The following CXCL13 variants were observed in gnomAD, a reference collection of about 807,000 sequenced individuals.
The protein encoded by CXCL13 is C-X-C motif chemokine ligand 13, also known as C-X-C motif chemokine 13.
CXCL13 carries 7 observed loss-of-function variants against 12.2 expected under a neutral mutation model. That is an observed-to-expected ratio of 0.57 (90% CI 0.33 to 1.07). The LOEUF is 1.07. CXCL13 is among the 50% of genes least tolerant of loss of function. The probability of loss-of-function intolerance (pLI) is 0.04; values close to 1 mark genes in which losing one functional copy is unlikely to be tolerated. For missense variants in CXCL13, 113 were observed against 127.4 expected, an observed-to-expected ratio of 0.89 and a Z score of 0.55; for synonymous variants, 47 against 42.4, an observed-to-expected ratio of 1.11 and a Z score of -0.42.
Position 77,566,888 on chromosome 4 carries a change from C to T in CXCL13, c.-42-38936C>T, listed in dbSNP as rs2056015014. ...TGTTATTTAAGGTAATTTTGGGTGT[C>T]GGGCCTCTGAGCCCAAGCTAAGCCA... On this transcript the variant is annotated intron_variant, in intron 1 of 4. Coordinates refer to the CXCL13 transcript ENST00000286758. Among the ~76,000 whole-genome samples, 4 of 152,166 alleles carry T rather than the reference C, an allele frequency of 2.6e-5. 1 individual carries two copies. In the South Asian group the frequency reaches 8.3e-4, roughly 32 times the overall value.
intron 1 of CXCL13, among the ~76,000 whole-genome samples, chr4:77,585,157 G>A (rs1425555612): frequency 2.0e-5 from 3 of 152,104 alleles, no homozygotes; most frequent in African/African-American, 7.2e-5. Flanking sequence ...ACTGGAAACA[G>A]GCTTTATCAA....
At chr4:77,556,497 G>A (rs987194893) in intron 1 of CXCL13, among the ~76,000 whole-genome samples, 1 of 152,132 alleles carries the variant, frequency 6.6e-6, no homozygotes, top group African/African-American at 2.4e-5. Flanking sequence ...CAGGATAATG[G>A]AAATGTCCTA....
intron 1 of CXCL13, among the ~76,000 whole-genome samples, chr4:77,528,065 T>G (rs1446463664): frequency 1.3e-5 from 2 of 152,180 alleles, no homozygotes; most frequent in Non-Finnish European, 2.9e-5. Flanking sequence ...TTGCTGAGAA[T>G]GAAGGTTTCC....
intron 3 of CXCL13, 73 bp downstream of exon 3, chr4:77,610,767 A>G (rs1727126842): frequency 8.7e-7 from 1 of 1,155,826 alleles, no homozygotes; most frequent in Non-Finnish European, 1.3e-6. Context: ...GGCAGTCAAA[A>G]TAGGGACTAG....
At chr4:77,515,141 G>A (rs1202130433) in intron 1 of CXCL13, among the ~76,000 whole-genome samples, 2 of 152,100 alleles carry the variant, frequency 1.3e-5, no homozygotes, top group Admixed American at 6.5e-5. Flanking sequence ...ATTTCTGAGG[G>A]CTCTGTTCTG....
intron 2 of CXCL13, among the ~76,000 whole-genome samples, chr4:77,609,961 T>G (rs1300393045): frequency 6.6e-6 from 1 of 152,240 alleles, no homozygotes; most frequent in East Asian, 1.9e-4. Flanking sequence ...TTTTGTGAGA[T>G]GAATTGAAAT....
chr4:77,558,406 A>G (rs1443165361), intron 1 of CXCL13, among the ~76,000 whole-genome samples: 3 of 152,106 alleles, frequency 2.0e-5, no homozygotes, highest in Non-Finnish European at 4.4e-5. Flanking sequence ...AGATTGGACT[A>G]CAGTGGAGCA....
chr4:77,603,404 T>C (rs1444417071), upstream of CXCL13, among the ~76,000 whole-genome samples: 2 of 152,248 alleles, frequency 1.3e-5, no homozygotes, highest in African/African-American at 4.8e-5. Context: ...GGGCTTCCTC[T>C]AGCTTGTACT....
At chr4:77,597,059 A>T (rs1726784887) in intron 1 of CXCL13, among the ~76,000 whole-genome samples, 1 of 152,224 alleles carries the variant, frequency 6.6e-6, no homozygotes, top group African/African-American at 2.4e-5. Context: ...TAAGCCAGAC[A>T]CATAAAGAAG....
chr4:77,536,021 A>G (rs980042128), intron 1 of CXCL13, among the ~76,000 whole-genome samples: 2 of 152,204 alleles, frequency 1.3e-5, no homozygotes, highest in African/African-American at 4.8e-5. Flanking sequence ...ACTTGATAGA[A>G]TAAACACCCT....
chr4:77,610,898 A>T (rs1006405217), intron 3 of CXCL13, 90 bp from the exon 4 acceptor site: 15 of 1,175,954 alleles, frequency 1.3e-5, no homozygotes, highest in Non-Finnish European at 5.0e-6. Context: ...CAGTATACAT[A>T]AGAGTCCTTG....
intron 1 of CXCL13, among the ~76,000 whole-genome samples, chr4:77,584,444 A>C (rs1441933434): frequency 6.6e-6 from 1 of 152,176 alleles, no homozygotes. Flanking sequence ...TCTAATATGC[A>C]AAAAATACAA....
chr4:77,587,069 C>T (rs1726491474), intron 1 of CXCL13, among the ~76,000 whole-genome samples: 1 of 152,148 alleles, frequency 6.6e-6, no homozygotes, highest in African/African-American at 2.4e-5. Context: ...ACTCAGGAAC[C>T]TAGTATTGAA....
intron 1 of CXCL13, among the ~76,000 whole-genome samples, chr4:77,516,366 A>C (rs1246994238): frequency 3.4e-4 from 52 of 152,290 alleles, no homozygotes; most frequent in Non-Finnish European, 6.3e-4. Context: ...TGATTGGAAT[A>C]GTTTCAGAAG....
At chr4:77,597,716 G>A (rs1470695202) in intron 1 of CXCL13, among the ~76,000 whole-genome samples, 2 of 152,108 alleles carry the variant, frequency 1.3e-5, no homozygotes, top group East Asian at 3.8e-4. Flanking sequence ...TATTAGAATG[G>A]TGGAAGTGCA....
Position 77,515,745 on chromosome 4 carries a change from A to C in CXCL13, c.-43+3957A>C, listed in dbSNP as rs557387836. Among the ~76,000 whole-genome samples the C allele has an allele frequency of 5.3e-5, 8 of 152,324 alleles. No homozygotes were observed. In the South Asian group the frequency reaches 1.7e-3, roughly 32 times the overall value. ...GATTTTCTAGATATACCATCATGTCATCTGCCAACAGGGACAATTTGACTT... is the reference window on the plus strand; with the variant it reads ...GATTTTCTAGATATACCATCATGTCCTCTGCCAACAGGGACAATTTGACTT... On this transcript the variant is annotated intron_variant, in intron 1 of 4. Coordinates refer to the CXCL13 transcript ENST00000286758.
chr4:77,524,233 G>A (rs1157450008), intron 1 of CXCL13, among the ~76,000 whole-genome samples: 8 of 152,158 alleles, frequency 5.3e-5, no homozygotes, highest in Non-Finnish European at 1.0e-4. Context: ...GAGCTCAAAT[G>A]CCATGCTGGG....
chr4:77,556,466 A>C (rs74529748), intron 1 of CXCL13, among the ~76,000 whole-genome samples: 2 of 152,280 alleles, frequency 1.3e-5, no homozygotes, highest in East Asian at 3.9e-4. Flanking sequence ...ATTGACAATA[A>C]AGAGGCCTAA....
At chr4:77,570,674 C>G (rs186812679) in intron 1 of CXCL13, among the ~76,000 whole-genome samples, 1 of 152,082 alleles carries the variant, frequency 6.6e-6, no homozygotes, top group African/African-American at 2.4e-5. Context: ...GGGAGAGGCG[C>G]GAGCAGGAAC....
Sources: allele counts gnomAD v4.1 joint callset (sites outside exome capture counted in the v4.1 genomes callset), GRCh38; gene constraint gnomAD v4.1.1; transcripts MANE v1.5; gene names NCBI Gene and HGNC (gene_info 2026-07-23, HGNC 2026-07-21).